Variants in KCNJ3 observed in about 807,000 individuals in gnomAD.
KCNJ3 encodes the protein potassium inwardly rectifying channel subfamily J member 3.
Under a neutral mutation model 39.2 loss-of-function variants are expected in KCNJ3, and 4 were observed. The observed-to-expected ratio is 0.10, with a 90% CI of 0.05 to 0.23. The LOEUF is 0.23. Ranked by LOEUF, KCNJ3 falls within the 10% of genes least tolerant of loss-of-function variation. The pLI is 1.00. For synonymous variants in KCNJ3, 230 were observed against 237.4 expected (o/e 0.97, Z 0.29); for missense variants, 276 against 634.9 (o/e 0.43, Z 6.08).
chr2:154,854,527 C>T (rs1034883271), intron 2 of KCNJ3, among the ~76,000 whole-genome samples, 200 bp from the exon 3 acceptor site: 1 of 151,966 alleles, frequency 6.6e-6, no homozygotes, highest in Non-Finnish European at 1.5e-5. Context: ...GTATCATCAC[C>T]CTGTGTTTTT....
intron 2 of KCNJ3, among the ~76,000 whole-genome samples, chr2:154,850,602 C>T (rs949931159): frequency 6.6e-6 from 1 of 152,110 alleles, no homozygotes; most frequent in Non-Finnish European, 1.5e-5. Flanking sequence ...ATTGCAAATT[C>T]ATAATATCCT....
intron 2 of KCNJ3, among the ~76,000 whole-genome samples, chr2:154,767,194 T>A (rs186399083): frequency 1.7e-4 from 26 of 149,162 alleles, no homozygotes; most frequent in African/African-American, 5.3e-4. Flanking sequence ...ACCTTTTTTT[T>A]TAAAATTATA....
intron 2 of KCNJ3, among the ~76,000 whole-genome samples, chr2:154,828,841 T>C (rs1687313761): frequency 6.6e-6 from 1 of 152,186 alleles, no homozygotes; most frequent in Middle Eastern, 3.2e-3. Flanking sequence ...AAATATTTAG[T>C]TTGAGTTTTT....
At chr2:154,768,574 G>A (rs544636865) in intron 2 of KCNJ3, among the ~76,000 whole-genome samples, 2 of 152,282 alleles carry the variant, frequency 1.3e-5, no homozygotes, top group East Asian at 3.9e-4. Context: ...GTACCATGCT[G>A]TTTTGGTTAC....
chr2:154,726,443 C>CA (rs1460037663), intron 2 of KCNJ3, among the ~76,000 whole-genome samples: 1 of 151,696 alleles, frequency 6.6e-6, no homozygotes, highest in Non-Finnish European at 1.5e-5. Context: ...TGGCCATAAT[C>CA]AAAAAATCAA....
chr2:154,854,670 G>A, intron 2 of KCNJ3, 57 bp from the exon 3 acceptor site: 2 of 1,332,346 alleles, frequency 1.5e-6, no homozygotes, highest in African/African-American at 1.5e-5. Flanking sequence ...GGCCAAACCG[G>A]CTTTACATGT....
At chr2:154,700,857 A>G (rs955072300) in intron 1 of KCNJ3, among the ~76,000 whole-genome samples, 12 of 152,204 alleles carry the variant, frequency 7.9e-5, no homozygotes, top group African/African-American at 2.9e-4. Flanking sequence ...TATCATATGC[A>G]TATTTACTGT....
At chr2:154,778,361 A>T (rs892225995) in intron 2 of KCNJ3, among the ~76,000 whole-genome samples, 5 of 152,200 alleles carry the variant, frequency 3.3e-5, no homozygotes, top group African/African-American at 1.2e-4. Flanking sequence ...GAATTGAGAT[A>T]TTTAAAGGCC....
At chr2:154,770,728 C>T (rs1686225911) in intron 2 of KCNJ3, among the ~76,000 whole-genome samples, 1 of 151,994 alleles carries the variant, frequency 6.6e-6, no homozygotes, top group Non-Finnish European at 1.5e-5. Flanking sequence ...TTTGTTACTC[C>T]TTATTGTAGT....
chr2:154,706,447 G>A (rs971327857), intron 1 of KCNJ3, among the ~76,000 whole-genome samples: 3 of 152,068 alleles, frequency 2.0e-5, no homozygotes, highest in African/African-American at 7.2e-5. Context: ...ATATGAAACT[G>A]ATGAAATATC....
chr2:154,739,731 C>T (rs1034458501), intron 2 of KCNJ3, among the ~76,000 whole-genome samples: 7 of 152,070 alleles, frequency 4.6e-5, no homozygotes, highest in East Asian at 1.9e-4. Flanking sequence ...AGCTCACAAA[C>T]GGGAGTTCCC....
chr2:154,779,824 G>A (rs976016362), intron 2 of KCNJ3, among the ~76,000 whole-genome samples: 2 of 152,042 alleles, frequency 1.3e-5, no homozygotes, highest in Non-Finnish European at 2.9e-5. Context: ...GCAGGTGTAA[G>A]CCACCACACC....
At chr2:154,844,094 G>GTCTT (rs1205918041) in intron 2 of KCNJ3, among the ~76,000 whole-genome samples, 8 of 152,150 alleles carry the variant, frequency 5.3e-5, no homozygotes, top group African/African-American at 1.7e-4. Flanking sequence ...TCTGCCTTTG[G>GTCTT]TCTTTGATGT....
At position 154,698,712 on chromosome 2, in the gene KCNJ3, A is replaced by T; in HGVS notation, c.-64A>T. 1.8e-6 allele frequency: 1 copy of T among 543,588 alleles called. No homozygotes were observed. The highest frequency in any genetic ancestry group is 3.1e-6 in the Non-Finnish European group (1 of 326,098). The allele number at this position is 543,588 out of a possible 1,614,324, so 33.7% of individuals were successfully genotyped here. ...CCGCCCCCACCTCCTTATTGGTGCT[A>T]GTTTGCAGCGCCCAGCTCCTGCGCC... On this transcript the variant is annotated 5_prime_UTR_variant, in exon 1 of 3. Coordinates refer to ENST00000295101, the MANE Select transcript of KCNJ3 (RefSeq NM_002239.4).
intron 2 of KCNJ3, among the ~76,000 whole-genome samples, chr2:154,840,156 G>A (rs557108100): frequency 6.6e-6 from 1 of 152,188 alleles, no homozygotes; most frequent in Non-Finnish European, 1.5e-5. Flanking sequence ...TCTACATATG[G>A]CTAGCCAGTT....
chr2:154,798,225 CAG>C (rs1478256744), intron 2 of KCNJ3, among the ~76,000 whole-genome samples: 3 of 148,878 alleles, frequency 2.0e-5, no homozygotes, highest in African/African-American at 7.4e-5. Context: ...CACACACGCA[CAG>C]AGTCTGTTCC....
intron 2 of KCNJ3, among the ~76,000 whole-genome samples, chr2:154,822,268 G>A (rs1394375088): frequency 6.6e-6 from 1 of 152,012 alleles, no homozygotes; most frequent in East Asian, 1.9e-4. Context: ...TTAATATGTG[G>A]GATTGAAACT....
rs927200437 is a variant in KCNJ3, at chr2:154,699,730, T to TA, written c.702+255dup. On this transcript the variant is annotated intron_variant, in intron 1 of 2. Transcript: ENST00000295101. This position sits in a 1 kb window ranked among gnomAD's most constrained non-coding sequence, Gnocchi z 6.4. Reference sequence around the variant, plus strand: ...CTGCTTGTATCACTTACTGGACTAGTAACACGTGAGGACTGCTGTTGGCTC... The same window carrying TA: ...CTGCTTGTATCACTTACTGGACTAGTAAACACGTGAGGACTGCTGTTGGCTC... The TA allele has an allele frequency of 1.5e-4, 27 of 181,304 alleles. No homozygotes were observed. In the Admixed American group the frequency reaches 1.6e-3, roughly 11 times the overall value. The allele number at this position is 181,304 out of a possible 1,614,324, so 11.2% of individuals were successfully genotyped here.
At chr2:154,822,595 G>A (rs987493942) in intron 2 of KCNJ3, among the ~76,000 whole-genome samples, 2 of 152,106 alleles carry the variant, frequency 1.3e-5, no homozygotes, top group Non-Finnish European at 2.9e-5. Flanking sequence ...TGAGCATTTT[G>A]CTGTGCTAAT....
Sources: allele counts gnomAD v4.1 joint callset (sites outside exome capture counted in the v4.1 genomes callset), GRCh38; gene constraint gnomAD v4.1.1; non-coding constraint Gnocchi (gnomAD v3.1); transcripts MANE v1.5; gene names NCBI Gene and HGNC (gene_info 2026-07-23, HGNC 2026-07-21).